NLRC4: variants seen among roughly 807,000 people sequenced by gnomAD.
The protein encoded by NLRC4 is NLR family CARD domain containing 4.
In NLRC4, 63 loss-of-function variants were observed where a neutral mutation model predicts 79.9. The ratio of observed to expected loss-of-function variants is 0.79; its 90% CI spans 0.64 to 0.97. The LOEUF is 0.97. Ranked by LOEUF, NLRC4 falls within the 50% of genes least tolerant of loss-of-function variation. NLRC4 has a pLI of 0.00. For synonymous variants in NLRC4, 461 were observed against 456.5 expected (o/e 1.01, Z -0.12); for missense variants, 1,074 against 1,215.2 (o/e 0.88, Z 1.73).
At chr2:32,240,899 T>C in intron 5 of NLRC4, 134 bp downstream of exon 5, 1 of 603,654 alleles carries the variant, frequency 1.7e-6, no homozygotes, top group South Asian at 1.9e-5. Flanking sequence ...GGAAAATGTC[T>C]GGGGAAACCA....
intron 1 of NLRC4, among the ~76,000 whole-genome samples, chr2:32,263,064 AG>A (rs941711889): frequency 8.5e-5 from 13 of 152,306 alleles, no homozygotes; most frequent in African/African-American, 3.1e-4. Context: ...TTCTTAAAAA[AG>A]GTTACATGAG....
chr2:32,254,347 G>A (rs1056023503), intron 2 of NLRC4, among the ~76,000 whole-genome samples: 3 of 96,966 alleles, frequency 3.1e-5, no homozygotes, highest in African/African-American at 1.1e-4. Flanking sequence ...AGAGCACATT[G>A]TATCTCCACA....
chr2:32,239,885 T>G (rs984369702), intron 5 of NLRC4, among the ~76,000 whole-genome samples: 1 of 152,214 alleles, frequency 6.6e-6, no homozygotes, highest in African/African-American at 2.4e-5. Flanking sequence ...TCTGTGTAAT[T>G]TATACACATG....
Position 32,249,692 on chromosome 2 carries a change from G to C in NLRC4, c.2172C>G (p.Leu724=), listed in dbSNP as rs1453253716. The C allele has an allele frequency of 6.2e-7, 1 of 1,613,974 alleles. No homozygotes were observed. The highest frequency in any genetic ancestry group is 8.5e-7 in the Non-Finnish European group (1 of 1,179,968). Residue 724 remains leucine (L), a synonymous_variant, in exon 4 of 9, where the codon CTC becomes CTG. Coordinates refer to ENST00000402280, the MANE Select transcript of NLRC4 (RefSeq NM_001199138.2). ...TGATGTGCCTCTCATCTTCTATGGT[G>C]AGGGGACTGGCTTCCACCATGAGAG... ...IYSLMVEASP[L]TIEDERHITS...
chr2:32,235,334 C>A, intron 8 of NLRC4, 67 bp downstream of exon 8: 1 of 1,201,034 alleles, frequency 8.3e-7, no homozygotes, highest in Non-Finnish European at 1.2e-6. Context: ...GCAAAATAAG[C>A]AAAGCCAACT....
chr2:32,259,393 C>G (rs907389101), intron 1 of NLRC4, among the ~76,000 whole-genome samples: 2 of 150,264 alleles, frequency 1.3e-5, no homozygotes, highest in Middle Eastern at 3.4e-3. Context: ...CAAGAATGAG[C>G]CACCGCGTCT....
At chr2:32,244,314 C>T (rs914235260) in intron 4 of NLRC4, among the ~76,000 whole-genome samples, 2 of 151,930 alleles carry the variant, frequency 1.3e-5, no homozygotes, top group Non-Finnish European at 2.9e-5. Flanking sequence ...ATGACATGAT[C>T]ATATAAATGG....
At chr2:32,258,962 T>C (rs1687272625) in intron 1 of NLRC4, among the ~76,000 whole-genome samples, 2 of 151,930 alleles carry the variant, frequency 1.3e-5, no homozygotes, top group Admixed American at 6.6e-5. Context: ...AGACAGGAAG[T>C]GGGGAAGAGA....
At chr2:32,236,421 A>AG in intron 6 of NLRC4, 82 bp from the exon 7 acceptor site, 1 of 718,538 alleles carries the variant, frequency 1.4e-6, no homozygotes, top group Non-Finnish European at 2.0e-6. Context: ...AATAATTCTG[A>AG]GTTTTATCTT....
intron 1 of NLRC4, among the ~76,000 whole-genome samples, chr2:32,258,698 A>G (rs1338633101): frequency 6.6e-6 from 1 of 152,186 alleles, no homozygotes; most frequent in Non-Finnish European, 1.5e-5. Flanking sequence ...GTGATGTTTT[A>G]AGATAAGAAA....
At chr2:32,231,722 G>A (rs945725661) in intron 8 of NLRC4, among the ~76,000 whole-genome samples, 2 of 151,752 alleles carry the variant, frequency 1.3e-5, no homozygotes, top group Admixed American at 6.6e-5. Flanking sequence ...GGCGTACGCT[G>A]CCACACCCAG....
intron 1 of NLRC4, among the ~76,000 whole-genome samples, chr2:32,260,213 C>CAA (rs1197388989): frequency 0.065 from 4,844 of 75,042 alleles, 243 homozygotes; most frequent in African/African-American, 0.084. Context: ...TGGGCAACGA[C>CAA]AAAAAAAAAA....
Position 32,252,758 on chromosome 2 carries a change from C to T in NLRC4, c.2-79G>A, listed in dbSNP as rs1687110588. The T allele has an allele frequency of 6.3e-6, 8 of 1,272,632 alleles. No individual in the cohort carries two copies. In the East Asian group the frequency reaches 1.2e-4, roughly 19 times the overall value. The allele number at this position is 1,272,632 out of a possible 1,614,324, so 78.8% of individuals were successfully genotyped here. On this transcript the variant is annotated intron_variant, in intron 2 of 8. Transcript: ENST00000402280. Reference sequence around the variant, plus strand: ...ATCCGGCTGGGCACGGTGGCTCACGCCTGTAATCCCAGCACTTTGGGAGGC... The same window carrying T: ...ATCCGGCTGGGCACGGTGGCTCACGTCTGTAATCCCAGCACTTTGGGAGGC...
At chr2:32,243,047 TTAATG>T (rs974582494) in intron 4 of NLRC4, among the ~76,000 whole-genome samples, 1 of 136,624 alleles carries the variant, frequency 7.3e-6, no homozygotes, top group African/African-American at 2.8e-5. Context: ...GACAATGTCT[TTAATG>T]AAAGAAAGAG....
intron 8 of NLRC4, among the ~76,000 whole-genome samples, chr2:32,234,381 A>T (rs531009352): frequency 6.8e-6 from 1 of 147,702 alleles, no homozygotes; most frequent in Non-Finnish European, 1.5e-5. Flanking sequence ...GACTCTGTCT[A>T]AAAAAAAAAC....
chr2:32,241,259 G>C (rs138857701), intron 4 of NLRC4, 134 bp from the exon 5 acceptor site: 7,340 of 600,228 alleles, frequency 0.012, 73 homozygotes, highest in Non-Finnish European at 0.017. Flanking sequence ...TCATGAAATA[G>C]ACATAAAAAT....
intron 8 of NLRC4, among the ~76,000 whole-genome samples, chr2:32,230,414 C>A (rs1686504524): frequency 6.6e-6 from 1 of 151,614 alleles, no homozygotes; most frequent in Non-Finnish European, 1.5e-5. Context: ...ACCCACCCGC[C>A]TTGGCCTCTC....
intron 1 of NLRC4, among the ~76,000 whole-genome samples, chr2:32,263,333 C>T (rs898346080): frequency 6.6e-6 from 1 of 152,178 alleles, no homozygotes; most frequent in African/African-American, 2.4e-5. Flanking sequence ...GCATAATATT[C>T]ACCTCCCTGG....
intron 4 of NLRC4, among the ~76,000 whole-genome samples, chr2:32,249,120 G>T (rs1188045932): frequency 6.6e-6 from 1 of 152,252 alleles, no homozygotes; most frequent in East Asian, 1.9e-4. Context: ...CATTTAAAGG[G>T]GTGTACAATC....
Sources: gnomAD v4.1 joint callset for allele counts (sites outside exome capture counted in the v4.1 genomes callset) on GRCh38, gnomAD v4.1.1 for gene constraint, MANE v1.5 for transcripts, NCBI Gene and HGNC (gene_info 2026-07-23, HGNC 2026-07-21) for gene names.